Variants in C4orf50 observed in about 807,000 individuals in gnomAD.
The protein encoded by C4orf50 is chromosome 4 open reading frame 50.
Under a neutral mutation model 77.2 loss-of-function variants are expected in C4orf50, and 80 were observed. That is an observed-to-expected ratio of 1.04 (90% CI 0.87 to 1.25). The LOEUF is 1.25. Ranked by LOEUF, C4orf50 falls within the 50% of genes most tolerant of loss-of-function variation. C4orf50 has a pLI of 0.00. For synonymous variants in C4orf50, 532 were observed against 465.3 expected (o/e 1.14, Z -1.84); for missense variants, 1,257 against 1,152.9 (o/e 1.09, Z -1.31).
chr4:5,906,468 T>C (rs748623993), intron 7 of C4orf50, among the ~76,000 whole-genome samples: 6 of 152,128 alleles, frequency 3.9e-5, no homozygotes, highest in Admixed American at 6.5e-5. Context: ...AGAGTGGGTC[T>C]AAAGAGCTCA....
chr4:5,913,726 G>A lies in C4orf50; in HGVS notation c.*2475-15538C>T, dbSNP rs375072584. Among the ~76,000 whole-genome samples the A allele has an allele frequency of 2.6e-4, 39 of 152,276 alleles. No individual in the cohort carries two copies. The East Asian group carries it at 5.6e-3, about 22-fold the overall frequency. ...ATAAGGCAGTAAATCGTCCACAGAC[G>A]TTGGGACCAAACCTCCAGGCTGCCA... is the stretch of plus-strand genomic sequence containing the variant. On this transcript the variant is annotated intron_variant, in intron 7 of 7. Coordinates refer to the C4orf50 transcript ENST00000324058.
intron 30 of C4orf50, among the ~76,000 whole-genome samples, chr4:5,975,351 C>T (rs1720209775): frequency 6.6e-6 from 1 of 152,040 alleles, no homozygotes; most frequent in Non-Finnish European, 1.5e-5. Flanking sequence ...TAGGTCACCC[C>T]ATCGAGTGGG....
rs1218195191 is a variant in C4orf50, at chr4:5,942,744, A to T, written c.*2474+14157T>A. Among the ~76,000 whole-genome samples the T allele has an allele frequency of 2.6e-5, 4 of 152,198 alleles. No homozygotes were observed. The East Asian group carries it at 7.7e-4, about 29-fold the overall frequency. On this transcript the variant is annotated intron_variant, in intron 7 of 7. Transcript: ENST00000324058. The stretch of plus-strand genomic sequence containing the variant: ...CCACAGCTTGAGAGACTATTCCAGA[A>T]TCCATTATCTTAACCAACATGCTAT...
chr4:5,973,550 G>T, intron 31 of C4orf50, 109 bp downstream of exon 9: 1 of 934,598 alleles, frequency 1.1e-6, no homozygotes, highest in Non-Finnish European at 1.7e-6. Flanking sequence ...AGTGTCCGCG[G>T]TGGGAGGGAG....
intron 33 of C4orf50, among the ~76,000 whole-genome samples, chr4:5,963,630 T>C (rs983897430): frequency 1.3e-5 from 2 of 152,086 alleles, no homozygotes; most frequent in Non-Finnish European, 2.9e-5. Context: ...AAAGAATCCA[T>C]GGGGATAAAA....
At chr4:5,931,248 T>C (rs1440315082) in intron 7 of C4orf50, among the ~76,000 whole-genome samples, 2 of 152,148 alleles carry the variant, frequency 1.3e-5, no homozygotes, top group Non-Finnish European at 1.5e-5. Context: ...GGGTTTGTAT[T>C]CAGGGCAAAG....
chr4:5,993,916 C>A lies in C4orf50; in HGVS notation c.1093+431G>T, dbSNP rs146746752. 8.3e-3 allele frequency among the ~76,000 whole-genome samples: 1,264 copies of A among 152,176 alleles called. 25 individuals carry two copies. The highest frequency in any genetic ancestry group is 0.028 in the African/African-American group (1,182 of 41,534). On this transcript the variant is annotated intron_variant, in intron 26 of 33. Transcript: ENST00000531445. Reference sequence around the variant, plus strand: ...ACATCAGGGACAAGAGGCTTCTAAGCCCCAGCAGCTTCCAGACCTGCCAAG... The same window carrying A: ...ACATCAGGGACAAGAGGCTTCTAAGACCCAGCAGCTTCCAGACCTGCCAAG...
At chr4:5,966,344 G>A (rs1251416401) in intron 32 of C4orf50, among the ~76,000 whole-genome samples, 3 of 151,968 alleles carry the variant, frequency 2.0e-5, no homozygotes, top group African/African-American at 4.8e-5. Flanking sequence ...GCATGATAGT[G>A]GGCGCCTGCA....
At chr4:5,991,096 C>T (rs1479948199) in intron 27 of C4orf50, among the ~76,000 whole-genome samples, 3 of 152,200 alleles carry the variant, frequency 2.0e-5, no homozygotes, top group African/African-American at 7.2e-5. Flanking sequence ...AAAAGGCCCT[C>T]CCTGACCGCT....
At chr4:5,988,941 C>A (rs753542503) in exon 28 of C4orf50, 5 of 1,536,064 alleles carry the variant, frequency 3.3e-6, no homozygotes, top group Non-Finnish European at 3.5e-6. Context: ...CACTCTCAGA[C>A]GTGGCTTTCT....
At chr4:5,984,964 A>G (rs973186982) in intron 28 of C4orf50, among the ~76,000 whole-genome samples, 2 of 152,152 alleles carry the variant, frequency 1.3e-5, no homozygotes, top group East Asian at 3.8e-4. Context: ...GGAAATTATA[A>G]AAGCAGTCAG....
chr4:5,965,227 T>G (rs1719502261), intron 32 of C4orf50, 82 bp from the exon 11 acceptor site: 2 of 1,389,164 alleles, frequency 1.4e-6, no homozygotes, highest in Admixed American at 2.0e-5. Context: ...TGTCATAACC[T>G]TCTTCACTCT....
rs1717043434 is a variant in C4orf50 at position 5,916,724 on chromosome 4, A to T, written c.*2475-18536T>A. On this transcript the variant is annotated intron_variant, in intron 7 of 7. Coordinates refer to the C4orf50 transcript ENST00000324058. The surrounding 1 kb of genome is among the most constrained non-coding windows in gnomAD (Gnocchi z 4.4). ...GAAGACAATATCCAGATGGGTACTG[A>T]GGTCACTCCTGCAGGAAATAGGGTC... 6.6e-6 allele frequency among the ~76,000 whole-genome samples: 1 copy of T among 152,158 alleles called. No homozygotes were observed.
At chr4:5,956,638 TC>T (rs1718972857), downstream of C4orf50, 1 of 78,034 alleles carries the variant, frequency 1.3e-5, no homozygotes, top group Non-Finnish European at 3.2e-5. Flanking sequence ...GCCAACCCTC[TC>T]CTCTGATTTG....
chr4:5,946,386 A>T (rs921022747), intron 7 of C4orf50, among the ~76,000 whole-genome samples: 2 of 152,220 alleles, frequency 1.3e-5, no homozygotes, highest in African/African-American at 4.8e-5. Flanking sequence ...TGTGTATAGA[A>T]AGTAAAAGTT....
At chr4:5,981,695 T>C (rs991382821) in intron 28 of C4orf50, among the ~76,000 whole-genome samples, 2 of 152,170 alleles carry the variant, frequency 1.3e-5, no homozygotes, top group African/African-American at 2.4e-5. Context: ...TGAGCCACCA[T>C]GCTCGGCCCG....
At chr4:5,997,782 C>CA (rs1226383507) in intron 25 of C4orf50, among the ~76,000 whole-genome samples, 1 of 152,160 alleles carries the variant, frequency 6.6e-6, no homozygotes, top group Non-Finnish European at 1.5e-5. Context: ...TCTATTTATA[C>CA]AAAATGTAAA....
At chr4:5,967,859 G>A (rs1443374653) in intron 31 of C4orf50, among the ~76,000 whole-genome samples, 3 of 152,218 alleles carry the variant, frequency 2.0e-5, no homozygotes, top group Non-Finnish European at 4.4e-5. Context: ...TTGAATCTGA[G>A]TGCACCACCT....
At chr4:5,954,395 A>T (rs1026066492), downstream of C4orf50, among the ~76,000 whole-genome samples, 1 of 152,130 alleles carries the variant, frequency 6.6e-6, no homozygotes, top group Non-Finnish European at 1.5e-5. The surrounding 1 kb of genome is among the most constrained non-coding windows in gnomAD (Gnocchi z 4.7). Flanking sequence ...CCGATGCTAA[A>T]TTACTCTCGG....
Sources: gnomAD v4.1 joint callset for allele counts (sites outside exome capture counted in the v4.1 genomes callset) on GRCh38, gnomAD v4.1.1 for gene constraint, Gnocchi (gnomAD v3.1) non-coding constraint, MANE v1.5 for transcripts, NCBI Gene and HGNC (gene_info 2026-07-23, HGNC 2026-07-21) for gene names.